The following CSDE1 variants were observed in gnomAD, a reference collection of about 807,000 sequenced individuals.
The protein encoded by CSDE1 is cold shock domain containing E1.
CSDE1 carries 17 observed loss-of-function variants against 89.3 expected under a neutral mutation model. The ratio of observed to expected loss-of-function variants is 0.19; its 90% CI spans 0.13 to 0.29. The LOEUF (loss-of-function observed/expected upper bound fraction) is 0.29, where lower values mean the gene tolerates loss of function less well. Ranked by LOEUF, CSDE1 falls within the 10% of genes least tolerant of loss-of-function variation. CSDE1 has a pLI of 1.00. For synonymous variants in CSDE1, 322 were observed against 332.8 expected (o/e 0.97, Z 0.35); for missense variants, 672 against 984.2 (o/e 0.68, Z 4.24).
At position 114,720,614 on chromosome 1, in the gene CSDE1, C is replaced by T; in HGVS notation, c.1977G>A (p.Leu659=). The T allele has an allele frequency of 6.2e-7, 1 of 1,614,120 alleles. No individual in the cohort carries two copies. The highest frequency in any genetic ancestry group is 1.1e-5 in the South Asian group (1 of 91,082). Residue 659 remains leucine (L), a synonymous_variant, in exon 17 of 20, where the codon CTG becomes CTA. Coordinates refer to ENST00000358528, the MANE Select transcript of CSDE1 (RefSeq NM_001007553.3). ...GESVKFQLCV[L]GQNAQTMAYN... is the part of the protein sequence containing the mutation. ...AAGCCATAGTTTGTGCATTTTGGCC[C>T]AGGACACACAATTGGAACTTGACGC... is the stretch of plus-strand genomic sequence containing the variant.
Position 114,718,628 on chromosome 1 carries a change from T to G in CSDE1, c.2334A>C (p.Gly778=). 6.2e-7 allele frequency: 1 copy of G among 1,614,062 alleles called. No individual in the cohort carries two copies. The highest frequency in any genetic ancestry group is 8.5e-7 in the Non-Finnish European group (1 of 1,179,970). ...GCCCTCATACCATTGAGTTATCTGG[T>G]CCCCTTGGCTGACGAAGAACCATTA... The part of the protein sequence containing the change: ...PRLMVLRQPR[G]PDNSMGFGAE... The change falls in exon 19 of 20, where the codon GGA becomes GGC. Residue 778 remains glycine (G), a synonymous_variant. Coordinates refer to ENST00000358528, the MANE Select transcript of CSDE1 (RefSeq NM_001007553.3).
chr1:114,732,515 TAAG>T, intron 10 of CSDE1, 86 bp downstream of exon 10: 1 of 1,262,512 alleles, frequency 7.9e-7, no homozygotes, highest in Non-Finnish European at 1.1e-6. Context: ...TCATTTAACT[TAAG>T]AAAAATTTTA....
At chr1:114,754,246 G>GCC (rs1373948023) in intron 1 of CSDE1, among the ~76,000 whole-genome samples, 2 of 152,142 alleles carry the variant, frequency 1.3e-5, no homozygotes, top group African/African-American at 2.4e-5. Context: ...ACCTGCCTCA[G>GCC]CCCCCCAAAG....
Position 114,727,039 on chromosome 1 carries a change from T to A in CSDE1, c.1408A>T (p.Ile470Phe). Residue 470 changes from isoleucine to phenylalanine, a missense_variant, in exon 13 of 20, where the codon ATT (isoleucine) becomes TTT (phenylalanine). Ile to Phe is a conservative substitution (Grantham distance 21, BLOSUM62 0). Transcript: ENST00000358528. The part of the protein sequence containing the change: ...AYDDCGVKLT[I>F]AFQAKDVEGS... ...TCCACATCCTTGGCTTGAAAAGCAA[T>A]AGTCAGTTTCACCCCACAGTCATCA... 6.2e-7 allele frequency: 1 copy of A among 1,613,872 alleles called. No individual in the cohort carries two copies. The highest frequency in any genetic ancestry group is 8.5e-7 in the Non-Finnish European group (1 of 1,179,864).
rs1570935117 is a variant in CSDE1, at chr1:114,739,877, G to A, written c.14C>T (p.Pro5Leu). The A allele has an allele frequency of 6.2e-7, 1 of 1,613,406 alleles. No individual in the cohort carries two copies. The highest frequency in any genetic ancestry group is 8.5e-7 in the Non-Finnish European group (1 of 1,179,496). The change falls in exon 3 of 20, where the codon CCA (proline) becomes CTA (leucine). Residue 5 changes from proline to leucine, a missense_variant. Pro to Leu is a moderately conservative substitution (Grantham distance 98, BLOSUM62 -3). Transcript: ENST00000358528. MSFDPNLLHNNGHNG... is the reference protein window; with the variant it reads MSFDLNLLHNNGHNG... ...ATGTCCATTGTTGTGGAGAAGGTTTGGATCAAAGCTCATCTGTTTTAAAAA... is the reference window on the plus strand; with the variant it reads ...ATGTCCATTGTTGTGGAGAAGGTTTAGATCAAAGCTCATCTGTTTTAAAAA...
chr1:114,739,593 T>C (rs1660608893), intron 3 of CSDE1, 99 bp downstream of exon 3: 2 of 1,011,422 alleles, frequency 2.0e-6, no homozygotes, highest in South Asian at 1.5e-5. Flanking sequence ...CCAAAATGTT[T>C]TAATTTACAT....
chr1:114,757,682 A>G (rs528931643), intron 1 of CSDE1, among the ~76,000 whole-genome samples: 1 of 151,384 alleles, frequency 6.6e-6, no homozygotes, highest in East Asian at 2.0e-4. Flanking sequence ...CACCACTACC[A>G]CCACGCGCAG....
chr1:114,737,152 A>G (rs1461253663), intron 5 of CSDE1, among the ~76,000 whole-genome samples: 1 of 152,136 alleles, frequency 6.6e-6, no homozygotes, highest in Non-Finnish European at 1.5e-5. Flanking sequence ...AAGGCATTCC[A>G]AACAAAAAAA....
intron 12 of CSDE1, among the ~76,000 whole-genome samples, chr1:114,727,975 T>G (rs1191598536): frequency 6.6e-6 from 1 of 152,198 alleles, no homozygotes; most frequent in Non-Finnish European, 1.5e-5. Flanking sequence ...CCTGACTTCC[T>G]TCCTAAACTC....
At chr1:114,746,394 C>T (rs534922086) in intron 2 of CSDE1, 2 of 152,076 alleles carry the variant, frequency 1.3e-5, no homozygotes, top group East Asian at 1.9e-4. Flanking sequence ...TCAGTTCCTC[C>T]GTAATGGATC....
At chr1:114,745,287 A>G (rs570407924) in intron 2 of CSDE1, among the ~76,000 whole-genome samples, 6 of 152,244 alleles carry the variant, frequency 3.9e-5, no homozygotes, top group Non-Finnish European at 8.8e-5. Flanking sequence ...ATTTTAACAA[A>G]TATATTTTTG....
At chr1:114,757,725 C>T (rs1164470582) in intron 1 of CSDE1, among the ~76,000 whole-genome samples, 200 bp downstream of exon 1, 2 of 152,130 alleles carry the variant, frequency 1.3e-5, no homozygotes, top group Non-Finnish European at 2.9e-5. Context: ...TTCAGCTCTG[C>T]GACCTGACAT....
chr1:114,751,759 G>A (rs942065434), intron 1 of CSDE1, among the ~76,000 whole-genome samples: 1 of 151,568 alleles, frequency 6.6e-6, no homozygotes, highest in Non-Finnish European at 1.5e-5. Flanking sequence ...CTGGTTTGAG[G>A]TAGGGCCACT....
At chr1:114,747,117 A>G (rs900198877) in intron 2 of CSDE1, among the ~76,000 whole-genome samples, 1 of 152,226 alleles carries the variant, frequency 6.6e-6, no homozygotes, top group African/African-American at 2.4e-5. Flanking sequence ...CCTGGATCAA[A>G]TCATTCACCA....
intron 1 of CSDE1, among the ~76,000 whole-genome samples, chr1:114,753,677 G>A (rs1661427977): frequency 6.6e-6 from 1 of 152,172 alleles, no homozygotes; most frequent in Non-Finnish European, 1.5e-5. Flanking sequence ...CAGCACTGTG[G>A]CAGGCCAAGG....
chr1:114,729,082 T>C (rs1265606662), intron 12 of CSDE1, among the ~76,000 whole-genome samples: 1 of 152,142 alleles, frequency 6.6e-6, no homozygotes, highest in Non-Finnish European at 1.5e-5. Context: ...AATCTTTTCC[T>C]TGAAGTACAG....
intron 16 of CSDE1, among the ~76,000 whole-genome samples, chr1:114,721,170 C>A (rs6692870): frequency 1.3e-5 from 2 of 152,004 alleles, no homozygotes; most frequent in African/African-American, 4.8e-5. Flanking sequence ...TGACACCCCA[C>A]CTCCTTTTTT....
chr1:114,722,270 G>A (rs1341318903), intron 16 of CSDE1, among the ~76,000 whole-genome samples: 1 of 152,202 alleles, frequency 6.6e-6, no homozygotes, highest in Non-Finnish European at 1.5e-5. Context: ...AGTGATTAGA[G>A]GAAGCTGGTC....
At position 114,738,466 on chromosome 1, in the gene CSDE1, TG is replaced by T. The variant is rs747674055; in HGVS notation, c.200-395del. 3.4e-4 allele frequency among the ~76,000 whole-genome samples: 52 copies of T among 152,192 alleles called. 1 individual carries two copies. Among genetic ancestry groups the T allele is most frequent in the Non-Finnish European group, 6.3e-4 (43 of 67,994 alleles). On this transcript the variant is annotated intron_variant, in intron 3 of 19. Coordinates refer to ENST00000358528, the MANE Select transcript of CSDE1 (RefSeq NM_001007553.3). ...GGCGAGTTTTTTTTTTAAACTCCTC[TG>T]TACCTCAGTTTTCTCTTATGTAAAA... is the stretch of plus-strand genomic sequence containing the variant.
Sources: gnomAD v4.1 joint callset for allele counts (sites outside exome capture counted in the v4.1 genomes callset) on GRCh38, gnomAD v4.1.1 for gene constraint, MANE v1.5 for transcripts, NCBI Gene and HGNC (gene_info 2026-07-23, HGNC 2026-07-21) for gene names.